BRD3: variants seen among roughly 807,000 people sequenced by gnomAD.
The protein encoded by BRD3 is bromodomain-containing protein 3.
A neutral mutation model predicts 66.8 loss-of-function variants in BRD3; 17 were observed. That is an observed-to-expected ratio of 0.25 (90% CI 0.17 to 0.38). The LOEUF (loss-of-function observed/expected upper bound fraction) is 0.38, where lower values mean the gene tolerates loss of function less well. Ranked by LOEUF, BRD3 falls within the 10% of genes least tolerant of loss-of-function variation. The probability of loss-of-function intolerance (pLI) is 1.00; values close to 1 mark genes in which losing one functional copy is unlikely to be tolerated. For synonymous variants in BRD3, 421 were observed against 393.2 expected (o/e 1.07, Z -0.84); for missense variants, 713 against 956.1 (o/e 0.75, Z 3.35).
chr9:134,044,577 A>G (rs1320709351), intron 7 of BRD3, among the ~76,000 whole-genome samples: 1 of 151,740 alleles, frequency 6.6e-6, no homozygotes, highest in African/African-American at 2.4e-5. Context: ...AAAGCAAACC[A>G]CCTGCGATCA....
intron 7 of BRD3, among the ~76,000 whole-genome samples, chr9:134,044,397 G>A (rs982819470): frequency 2.6e-5 from 4 of 152,100 alleles, no homozygotes; most frequent in Non-Finnish European, 4.4e-5. Context: ...TGGGCTGCTC[G>A]GGGATTTCAA....
At chr9:134,059,952 C>T (rs1269017740) in intron 1 of BRD3, among the ~76,000 whole-genome samples, 2 of 152,180 alleles carry the variant, frequency 1.3e-5, no homozygotes, top group Non-Finnish European at 1.5e-5. Flanking sequence ...CCTGGGGAGC[C>T]AGATGTGCCA....
At chr9:134,056,364 G>C (rs1004510364) in intron 1 of BRD3, among the ~76,000 whole-genome samples, 1 of 152,230 alleles carries the variant, frequency 6.6e-6, no homozygotes, top group African/African-American at 2.4e-5. Context: ...TGGCACACAC[G>C]GGCAGGCGAC....
chr9:134,067,819 G>A (rs919708614), intron 1 of BRD3, 126 bp downstream of exon 1: 7 of 144,392 alleles, frequency 4.8e-5, no homozygotes, highest in Non-Finnish European at 9.2e-5. Flanking sequence ...CGGGCGCCCG[G>A]TTCACCCGGA....
intron 6 of BRD3, among the ~76,000 whole-genome samples, chr9:134,046,481 G>A (rs1223679822): frequency 3.9e-5 from 6 of 152,182 alleles, no homozygotes; most frequent in Admixed American, 3.9e-4. Context: ...CGCAGAGGGC[G>A]CCCCCAACTC....
chr9:134,052,439 T>C lies in BRD3; in HGVS notation c.218A>G (p.Tyr73Cys). Residue 73 changes from tyrosine (Y) to cysteine (C), a missense_variant, in exon 3 of 12, where the codon TAT becomes TGT. Transcript: ENST00000303407. ...VDAIKLNLPD[Y>C]HKIIKNPMDM... ...CATTGGGTTTTTAATTATTTTATGATAATCCTAGGAAAGAGATTTTCAGAG... is the reference window on the plus strand; with the variant it reads ...CATTGGGTTTTTAATTATTTTATGACAATCCTAGGAAAGAGATTTTCAGAG... 1 of 1,600,764 alleles carries C rather than the reference T, an allele frequency of 6.2e-7. No homozygotes were observed. Among genetic ancestry groups the C allele is most frequent in the Non-Finnish European group, 8.5e-7 (1 of 1,176,208 alleles).
At chr9:134,050,292 C>T in intron 5 of BRD3, 82 bp downstream of exon 5, 1 of 1,399,492 alleles carries the variant, frequency 7.1e-7, no homozygotes, top group Non-Finnish European at 9.9e-7. Context: ...AGGTGGGGGC[C>T]CCCCGCCTGC....
intron 1 of BRD3, chr9:134,058,069 C>G (rs1383221704): frequency 1.3e-5 from 2 of 152,344 alleles, no homozygotes; most frequent in African/African-American, 4.8e-5. Flanking sequence ...TCTCCACCCC[C>G]AGCTGACCTC....
chr9:134,062,744 A>G (rs1473578067), intron 1 of BRD3, among the ~76,000 whole-genome samples: 1 of 152,098 alleles, frequency 6.6e-6, no homozygotes, highest in Non-Finnish European at 1.5e-5. Context: ...CCCCACAGAC[A>G]CTGGTCAGGC....
At chr9:134,062,375 C>A (rs1219104582) in intron 1 of BRD3, among the ~76,000 whole-genome samples, 1 of 152,148 alleles carries the variant, frequency 6.6e-6, no homozygotes, top group Non-Finnish European at 1.5e-5. Context: ...GGTGCAGCTG[C>A]CAGCGCTGCC....
rs1254382292 is a variant in BRD3 at position 134,041,776 on chromosome 9, G to A, written c.1391C>T (p.Ala464Val). 7 of 1,610,348 alleles carry A rather than the reference G, an allele frequency of 4.3e-6. No homozygotes were observed. Among genetic ancestry groups the A allele is most frequent in the Non-Finnish European group, 5.1e-6 (6 of 1,179,684 alleles). The change falls in exon 8 of 12, where the codon GCG becomes GTG. Residue 464 changes from alanine to valine, a missense_variant. Transcript: ENST00000303407. Reference sequence around the variant, plus strand: ...AGTGCCCACCTGCTCCTGCAGCTCCGCCAGCCTGGTGGCCCGCTCCTCCTC... The same window carrying A: ...AGTGCCCACCTGCTCCTGCAGCTCCACCAGCCTGGTGGCCCGCTCCTCCTC... ...DSEEERATRL[A>V]ELQEQLKAVH...
chr9:134,062,586 C>G (rs997768503), intron 1 of BRD3, among the ~76,000 whole-genome samples: 2 of 152,176 alleles, frequency 1.3e-5, no homozygotes, highest in Admixed American at 6.5e-5. Flanking sequence ...GGCCACAACC[C>G]GTCACCTCTT....
rs952360213 is a variant in BRD3 at position 134,048,590 on chromosome 9, A to T, written c.715-136T>A. ...GGCCACATGCACGGCCCCACAGGAG[A>T]GGACACCAAGGCTCAGGGGCCATGT... On this transcript the variant is annotated intron_variant, in intron 5 of 11. Coordinates refer to ENST00000303407, the MANE Select transcript of BRD3 (RefSeq NM_007371.4). The T allele has an allele frequency of 3.7e-6, 5 of 1,337,400 alleles. No individual in the cohort carries two copies. In the African/African-American group the frequency reaches 5.8e-5, roughly 16 times the overall value. 82.8% of individuals were successfully genotyped at this position (1,337,400 alleles called of 1,614,324 possible). A position where few individuals can be genotyped will look rare whatever the true frequency, so the allele number is the denominator to read the frequency against.
intron 6 of BRD3, among the ~76,000 whole-genome samples, chr9:134,046,172 ACAGT>A (rs1462151593): frequency 1.3e-5 from 2 of 152,192 alleles, no homozygotes; most frequent in Admixed American, 1.3e-4. Context: ...GGAGGGGCAC[ACAGT>A]CAGTCCCCAG....
At chr9:134,051,875 G>GTTTTTT (rs377287416) in intron 3 of BRD3, among the ~76,000 whole-genome samples, 166 bp from the exon 4 acceptor site, 1 of 101,012 alleles carries the variant, frequency 9.9e-6, no homozygotes, top group African/African-American at 4.1e-5. Flanking sequence ...GTGTGTGTGT[G>GTTTTTT]TGTTGTTTTT....
intron 6 of BRD3, among the ~76,000 whole-genome samples, chr9:134,047,571 A>G (rs1830201449): frequency 6.6e-6 from 1 of 152,172 alleles, no homozygotes; most frequent in Non-Finnish European, 1.5e-5. Flanking sequence ...GGGGGAGGCC[A>G]GGCTCTCGGT....
chr9:134,040,302 G>T, intron 8 of BRD3, 33 bp from the exon 9 acceptor site: 2 of 1,574,376 alleles, frequency 1.3e-6, no homozygotes, highest in South Asian at 2.3e-5. Context: ...GCAGGTGCTG[G>T]GCACGGCCCA....
intron 7 of BRD3, among the ~76,000 whole-genome samples, chr9:134,043,816 G>A (rs1437826813): frequency 1.3e-5 from 2 of 152,176 alleles, no homozygotes; most frequent in East Asian, 3.9e-4. Context: ...TCACTTTCCT[G>A]AATAGCTGGT....
intron 1 of BRD3, among the ~76,000 whole-genome samples, chr9:134,066,067 A>T (rs1830645128): frequency 6.6e-6 from 1 of 152,216 alleles, no homozygotes; most frequent in East Asian, 1.9e-4. Context: ...CTTTCTAAAA[A>T]CAAAACAAAA....
Sources: gnomAD v4.1 joint callset for allele counts (sites outside exome capture counted in the v4.1 genomes callset) on GRCh38, gnomAD v4.1.1 for gene constraint, MANE v1.5 for transcripts, NCBI Gene and HGNC (gene_info 2026-07-23, HGNC 2026-07-21) for gene names.